The following PSD2 variants were observed in gnomAD, a reference collection of about 807,000 sequenced individuals.
The protein encoded by PSD2 is PH and SEC7 domain-containing protein 2.
A neutral mutation model predicts 69.8 loss-of-function variants in PSD2; 38 were observed. The observed-to-expected ratio is 0.54, with a 90% CI of 0.42 to 0.71. PSD2 has a LOEUF of 0.71. PSD2 is among the 30% of genes least tolerant of loss of function. The pLI, the probability that PSD2 is intolerant of heterozygous loss-of-function variation, is 0.00. For missense variants in PSD2, 943 were observed against 1,014.5 expected, an observed-to-expected ratio of 0.93 and a Z score of 0.96; for synonymous variants, 412 against 423.0, an observed-to-expected ratio of 0.97 and a Z score of 0.32.
the PSD2 span, among the ~76,000 whole-genome samples, chr5:139,744,021 G>A: frequency 6.6e-6 from 1 of 152,116 alleles, no homozygotes; most frequent in Non-Finnish European, 1.5e-5. Flanking sequence ...TCAGAACAAT[G>A]GGCCTGTACA....
chr5:139,758,769 C>T, the PSD2 span, among the ~76,000 whole-genome samples: 2 of 152,188 alleles, frequency 1.3e-5, no homozygotes, highest in Non-Finnish European at 2.9e-5. Context: ...TCCATGCTTC[C>T]TCCAAGACCT....
the PSD2 span, among the ~76,000 whole-genome samples, chr5:139,759,635 G>A: frequency 6.6e-6 from 1 of 152,228 alleles, no homozygotes; most frequent in East Asian, 1.9e-4. Flanking sequence ...ATCACGGGCC[G>A]TGGCGGGCGC....
At chr5:139,787,492 G>A in the PSD2 span, among the ~76,000 whole-genome samples, 1 of 152,244 alleles carries the variant, frequency 6.6e-6, no homozygotes, top group African/African-American at 2.4e-5. Flanking sequence ...GAGGTCATGC[G>A]TGGCAAGAAC....
chr5:139,766,920 CCT>C, the PSD2 span, among the ~76,000 whole-genome samples: 2 of 30,920 alleles, frequency 6.5e-5, 1 homozygote, highest in Non-Finnish European at 1.5e-4. Context: ...TTCCTTCCTT[CCT>C]TCCTTCCCTT....
At chr5:139,749,080 G>A in the PSD2 span, among the ~76,000 whole-genome samples, 3 of 152,076 alleles carry the variant, frequency 2.0e-5, no homozygotes, top group East Asian at 3.9e-4. Context: ...AGGCCCCCTG[G>A]AGCACCCAAC....
the PSD2 span, among the ~76,000 whole-genome samples, chr5:139,781,339 T>C: frequency 7.1e-6 from 1 of 141,222 alleles, no homozygotes; most frequent in African/African-American, 2.6e-5. Context: ...TATCTCTCTC[T>C]TTTTTTTTTT....
At chr5:139,836,239 G>C (rs1581739047) in intron 9 of PSD2, among the ~76,000 whole-genome samples, 1 of 152,204 alleles carries the variant, frequency 6.6e-6, no homozygotes, top group Admixed American at 6.5e-5. Context: ...CAGGAAAGAG[G>C]GGTGTTGACC....
At chr5:139,833,832 T>C in intron 8 of PSD2, 41 bp downstream of exon 8, 1 of 1,437,442 alleles carries the variant, frequency 7.0e-7, no homozygotes, top group Non-Finnish European at 9.8e-7. Context: ...AGCTGTGCCC[T>C]GAATGGATAG....
At chr5:139,807,340 C>T (rs569466265) in intron 1 of PSD2, among the ~76,000 whole-genome samples, 192 of 152,152 alleles carry the variant, frequency 1.3e-3, no homozygotes, top group African/African-American at 4.1e-3. Flanking sequence ...CTTCTTTTTC[C>T]TTTCTAAATG....
the PSD2 span, among the ~76,000 whole-genome samples, chr5:139,747,244 C>T: frequency 3.9e-5 from 6 of 152,142 alleles, no homozygotes; most frequent in Admixed American, 1.3e-4. This position sits in a 1 kb window ranked among gnomAD's most constrained non-coding sequence, Gnocchi z 6.7. Flanking sequence ...GTCTCCCCCC[C>T]TTCAGTTACC....
intron 4 of PSD2, among the ~76,000 whole-genome samples, chr5:139,815,466 A>G (rs1476122592): frequency 6.6e-6 from 1 of 152,008 alleles, no homozygotes; most frequent in Non-Finnish European, 1.5e-5. Flanking sequence ...CCTCTAGCCA[A>G]AATTCTTGGA....
rs113093010 is a variant in PSD2 at position 139,839,925 on chromosome 5, C to G, written c.1969-102C>G. 816 of 1,370,692 alleles carry G rather than the reference C, an allele frequency of 6.0e-4. 7 individuals carry two copies. The African/African-American group carries it at 9.6e-3, about 16-fold the overall frequency. 84.9% of individuals were successfully genotyped at this position (1,370,692 alleles called of 1,614,324 possible). The stretch of plus-strand genomic sequence containing the variant: ...CACATTTTGGTGATGCTGGCTAGGC[C>G]TTCATTTCCCTTTGGTGGAGCAGCT... On this transcript the variant is annotated intron_variant, in intron 13 of 14. Transcript: ENST00000274710. This position sits in a 1 kb window ranked among gnomAD's most constrained non-coding sequence, Gnocchi z 5.1.
chr5:139,833,779 A>G lies in PSD2; in HGVS notation c.1347A>G (p.Lys449=). The stretch of plus-strand genomic sequence containing the variant: ...TGAATGATGGCCAAGACTTTGCCAA[A>G]GACCTGCTGAAGGTACTGTCTGCTG... The part of the protein sequence containing the change: ...DQLNDGQDFA[K]DLLKTLYNSI... The change falls in exon 8 of 15, where the codon AAA becomes AAG. Residue 449 remains lysine (K), a synonymous_variant. Coordinates refer to ENST00000274710, the MANE Select transcript of PSD2 (RefSeq NM_032289.4). 2 of 1,613,198 alleles carry G rather than the reference A, an allele frequency of 1.2e-6. No homozygotes were observed. The highest frequency in any genetic ancestry group is 8.5e-7 in the Non-Finnish European group (1 of 1,179,148).
chr5:139,821,740 G>A (rs561118196), intron 5 of PSD2, among the ~76,000 whole-genome samples, 153 bp from the exon 6 acceptor site: 6 of 152,318 alleles, frequency 3.9e-5, no homozygotes, highest in African/African-American at 9.6e-5. Context: ...CTGGGGGCCA[G>A]GGCCTCCTGG....
chr5:139,809,170 T>C (rs894775982), intron 1 of PSD2, among the ~76,000 whole-genome samples: 1 of 152,014 alleles, frequency 6.6e-6, no homozygotes, highest in African/African-American at 2.4e-5. Flanking sequence ...TGGGGCATAG[T>C]GGGCTGGCCA....
chr5:139,806,550 C>T (rs959630115), intron 1 of PSD2, among the ~76,000 whole-genome samples: 3 of 152,216 alleles, frequency 2.0e-5, no homozygotes, highest in Non-Finnish European at 4.4e-5. Flanking sequence ...GCCTTTCATC[C>T]TTAACCTTGC....
intron 1 of PSD2, among the ~76,000 whole-genome samples, chr5:139,804,393 A>G (rs1339075033): frequency 1.3e-5 from 2 of 152,206 alleles, no homozygotes; most frequent in Admixed American, 1.3e-4. Context: ...AGATTAGGGT[A>G]TGGAATCAAG....
At chr5:139,771,223 G>A in the PSD2 span, among the ~76,000 whole-genome samples, 1 of 152,168 alleles carries the variant, frequency 6.6e-6, no homozygotes, top group African/African-American at 2.4e-5. Context: ...CCCGGGTGGC[G>A]GAGTCTCTAT....
the PSD2 span, among the ~76,000 whole-genome samples, chr5:139,748,774 C>G: frequency 2.0e-5 from 3 of 152,242 alleles, no homozygotes; most frequent in Non-Finnish European, 4.4e-5. Flanking sequence ...GCCACCGCAT[C>G]GAGCGGCTCT....
Sources: gnomAD v4.1 joint callset for allele counts (sites outside exome capture counted in the v4.1 genomes callset) on GRCh38, gnomAD v4.1.1 for gene constraint, Gnocchi (gnomAD v3.1) non-coding constraint, MANE v1.5 for transcripts, NCBI Gene and HGNC (gene_info 2026-07-23, HGNC 2026-07-21) for gene names.